CAMTA1: variants seen among roughly 807,000 people sequenced by gnomAD.
CAMTA1 encodes calmodulin-binding transcription activator 1.
In CAMTA1, 27 loss-of-function variants were observed where a neutral mutation model predicts 170.9. The observed-to-expected ratio is 0.16, with a 90% confidence interval of 0.12 to 0.22. The LOEUF (loss-of-function observed/expected upper bound fraction) is 0.22. CAMTA1 is among the 10% of genes least tolerant of loss of function. The pLI, the probability that CAMTA1 is intolerant of heterozygous loss-of-function variation, is 1.00. For synonymous variants in CAMTA1, 833 were observed against 891.5 expected (o/e 0.93, Z 1.17); for missense variants, 1,619 against 2,217.2 (o/e 0.73, Z 5.42).
chr1:7,062,746 G>A (rs1458583770), intron 3 of CAMTA1, among the ~76,000 whole-genome samples: 1 of 152,202 alleles, frequency 6.6e-6, no homozygotes, highest in Non-Finnish European at 1.5e-5. Context: ...CCCGAGGCCC[G>A]ACCTCCAAGT....
rs537622620 is a variant in CAMTA1 at position 7,284,177 on chromosome 1, C to CTTATTATTATTA, written c.438+34581_438+34592dup. Among the ~76,000 whole-genome samples the CTTATTATTATTA allele has an allele frequency of 4.0e-5, 4 of 99,314 alleles. 1 individual carries two copies. Among genetic ancestry groups the CTTATTATTATTA allele is most frequent in the East Asian group, 5.8e-4 (2 of 3,456 alleles). 65.2% of individuals were successfully genotyped at this position (99,314 alleles called of 152,430 possible). A position where few individuals can be genotyped will look rare whatever the true frequency, so the allele number is the denominator to read the frequency against. ...TCTTCTTCTTCTTCTTCTTCTTCTT[C>CTTATTATTATTA]TTATTATTATTATTATTATTATTAT... On this transcript the variant is annotated intron_variant, in intron 5 of 22. Transcript: ENST00000303635.
At chr1:6,916,690 G>A (rs1442197138) in intron 3 of CAMTA1, among the ~76,000 whole-genome samples, 4 of 152,224 alleles carry the variant, frequency 2.6e-5, no homozygotes, top group Non-Finnish European at 5.9e-5. Context: ...ATCCAGAGAT[G>A]AACTGGTTGT....
At chr1:7,182,779 C>T (rs1169129184) in intron 4 of CAMTA1, among the ~76,000 whole-genome samples, 1 of 152,134 alleles carries the variant, frequency 6.6e-6, no homozygotes. Flanking sequence ...GGGCACAAGA[C>T]ATGAAAGATA....
intron 4 of CAMTA1, among the ~76,000 whole-genome samples, chr1:7,241,634 C>T (rs1664872118): frequency 6.6e-6 from 1 of 152,132 alleles, no homozygotes; most frequent in Admixed American, 6.5e-5. Flanking sequence ...GAAATAAAAT[C>T]ATATGTTTAT....
chr1:7,479,917 G>A (rs920451371), intron 6 of CAMTA1, among the ~76,000 whole-genome samples: 1 of 120,302 alleles, frequency 8.3e-6, no homozygotes, highest in Non-Finnish European at 1.7e-5. Flanking sequence ...GTGTGCATGT[G>A]TGTGAATGTG....
rs577908646 is a variant in CAMTA1 at position 6,918,980 on chromosome 1, A to G, written c.234+93770A>G. Among the ~76,000 whole-genome samples the G allele has an allele frequency of 2.2e-3, 333 of 152,336 alleles. 1 individual carries two copies. Among genetic ancestry groups the G allele is most frequent in the Non-Finnish European group, 4.2e-3 (286 of 68,018 alleles). ...TGCAAGCTAGAAGCCAAAGAGCTGAACATTGGAAGGCCTCCTTACCATTTT... is the reference window on the plus strand; with the variant it reads ...TGCAAGCTAGAAGCCAAAGAGCTGAGCATTGGAAGGCCTCCTTACCATTTT... On this transcript the variant is annotated intron_variant, in intron 3 of 22. Coordinates refer to ENST00000303635, the MANE Select transcript of CAMTA1 (RefSeq NM_015215.4). The surrounding 1 kb of genome is among the most constrained non-coding windows in gnomAD (Gnocchi z 4.0).
At chr1:7,350,128 C>G (rs939548117) in intron 5 of CAMTA1, among the ~76,000 whole-genome samples, 1 of 152,304 alleles carries the variant, frequency 6.6e-6, no homozygotes, top group South Asian at 2.1e-4. Context: ...GAGGGGTGCT[C>G]ACTCCTGTGG....
intron 5 of CAMTA1, among the ~76,000 whole-genome samples, chr1:7,415,756 T>C (rs1287747852): frequency 3.2e-4 from 48 of 151,598 alleles, no homozygotes; most frequent in Non-Finnish European, 3.8e-4. Flanking sequence ...TTAGCCCATT[T>C]ACATTTAAAG....
intron 3 of CAMTA1, among the ~76,000 whole-genome samples, chr1:6,832,414 G>C (rs529536337): frequency 6.6e-6 from 1 of 152,048 alleles, no homozygotes; most frequent in Admixed American, 6.5e-5. Flanking sequence ...TCTTTTTTTG[G>C]TGTCGATACA....
intron 5 of CAMTA1, among the ~76,000 whole-genome samples, chr1:7,301,026 T>A (rs1194025980): frequency 6.6e-6 from 1 of 152,148 alleles, no homozygotes; most frequent in Non-Finnish European, 1.5e-5. Context: ...TAAATGCACT[T>A]TCTAAATATG....
At chr1:7,418,534 G>A (rs751058790) in intron 5 of CAMTA1, among the ~76,000 whole-genome samples, 5 of 152,130 alleles carry the variant, frequency 3.3e-5, no homozygotes, top group Non-Finnish European at 7.4e-5. Context: ...CTTGTCCCCA[G>A]GACCTGAAAG....
chr1:6,981,177 G>A (rs192136913), intron 3 of CAMTA1, among the ~76,000 whole-genome samples: 42 of 152,306 alleles, frequency 2.8e-4, no homozygotes, highest in Non-Finnish European at 4.4e-4. Context: ...CAGATTAAAT[G>A]TGGCCACTAA....
intron 16 of CAMTA1, among the ~76,000 whole-genome samples, chr1:7,742,653 A>G (rs745695460): frequency 6.6e-6 from 1 of 152,212 alleles, no homozygotes; most frequent in Non-Finnish European, 1.5e-5. Context: ...ACATTGTTAC[A>G]TGTTTATAAA....
chr1:7,006,176 A>G (rs1353742373), intron 3 of CAMTA1, among the ~76,000 whole-genome samples: 3 of 152,170 alleles, frequency 2.0e-5, no homozygotes, highest in Admixed American at 2.0e-4. Context: ...TCCAGATTTA[A>G]TTCTAGTCTT....
intron 4 of CAMTA1, among the ~76,000 whole-genome samples, chr1:7,211,694 C>T (rs1299918873): frequency 6.6e-6 from 1 of 152,172 alleles, no homozygotes; most frequent in Non-Finnish European, 1.5e-5. Context: ...TCTAATGAGC[C>T]CCGGCTCCTT....
At chr1:7,480,173 T>C (rs2093494776) in intron 6 of CAMTA1, among the ~76,000 whole-genome samples, 1 of 127,854 alleles carries the variant, frequency 7.8e-6, no homozygotes, top group Admixed American at 7.8e-5. Flanking sequence ...GTGTGTGTGC[T>C]TGTGTCTCAG....
intron 4 of CAMTA1, among the ~76,000 whole-genome samples, chr1:7,184,354 G>C (rs1652829137): frequency 6.6e-6 from 1 of 152,106 alleles, no homozygotes; most frequent in African/African-American, 2.4e-5. Flanking sequence ...TTGTAATTTA[G>C]AATTAACTAA....
chr1:7,671,577 G>T (rs1244332677), intron 10 of CAMTA1, among the ~76,000 whole-genome samples: 1 of 152,204 alleles, frequency 6.6e-6, no homozygotes, highest in African/African-American at 2.4e-5. Flanking sequence ...AGGGAGATGG[G>T]GTGGTGATGG....
At chr1:7,640,886 G>C (rs1040953378) in intron 7 of CAMTA1, among the ~76,000 whole-genome samples, 1 of 152,190 alleles carries the variant, frequency 6.6e-6, no homozygotes, top group Non-Finnish European at 1.5e-5. Context: ...AGGCCGGCTG[G>C]GGAGGGAAAG....
Sources: gnomAD v4.1 joint callset for allele counts (sites outside exome capture counted in the v4.1 genomes callset) on GRCh38, gnomAD v4.1.1 for gene constraint, Gnocchi (gnomAD v3.1) non-coding constraint, MANE v1.5 for transcripts, NCBI Gene and HGNC (gene_info 2026-07-23, HGNC 2026-07-21) for gene names.